EML6: variants seen among roughly 807,000 people sequenced by gnomAD.
EML6 encodes echinoderm microtubule-associated protein-like 6.
Under a neutral mutation model 240.1 loss-of-function variants are expected in EML6, and 154 were observed. That is an observed-to-expected ratio of 0.64 (90% confidence interval 0.56 to 0.73). EML6 has a LOEUF of 0.73. Among genes scored for constraint, EML6 ranks in the 30% least tolerant of loss-of-function variants. EML6 has a pLI of 0.00. For synonymous variants in EML6, 1,148 were observed against 899.0 expected, an observed-to-expected ratio of 1.28 and a Z score of -4.95; for missense variants, 2,964 against 2,474.6, an observed-to-expected ratio of 1.20 and a Z score of -4.20.
At chr2:54,838,615 A>G (rs1669276942) in intron 7 of EML6, among the ~76,000 whole-genome samples, 1 of 152,168 alleles carries the variant, frequency 6.6e-6, no homozygotes, top group African/African-American at 2.4e-5. Flanking sequence ...AGCAGAGGGA[A>G]TTGGAAGGTT....
chr2:54,827,658 C>G lies in EML6; in HGVS notation c.618C>G (p.Ala206=). The G allele has an allele frequency of 6.4e-7, 1 of 1,551,632 alleles. No homozygotes were observed. Among genetic ancestry groups the G allele is most frequent in the Non-Finnish European group, 8.7e-7 (1 of 1,146,916 alleles). Reference sequence around the variant, plus strand: ...AGACCATCCTTTGCCTTGCATGTGCCAAAGAAGACATCACCTACTCTGGTG... The same window carrying G: ...AGACCATCCTTTGCCTTGCATGTGCGAAAGAAGACATCACCTACTCTGGTG... ...DLQTILCLAC[A]KEDITYSGAL... is the part of the protein sequence containing the mutation. Residue 206 remains alanine, a synonymous_variant, in exon 6 of 42, where the codon GCC becomes GCG. Transcript: ENST00000356458.
intron 25 of EML6, among the ~76,000 whole-genome samples, chr2:54,915,840 C>T (rs1015511680): frequency 1.3e-5 from 2 of 152,088 alleles, no homozygotes; most frequent in Admixed American, 1.3e-4. Context: ...TTCTTTTACT[C>T]CAGTGCTTTC....
intron 24 of EML6, among the ~76,000 whole-genome samples, chr2:54,908,088 T>C (rs531757747): frequency 6.6e-5 from 10 of 152,080 alleles, no homozygotes; most frequent in Non-Finnish European, 1.2e-4. Context: ...GTAAAGAAAA[T>C]TTTGGTTTTA....
At chr2:54,946,318 C>T (rs1164043250) in intron 28 of EML6, among the ~76,000 whole-genome samples, 5 of 152,168 alleles carry the variant, frequency 3.3e-5, no homozygotes, top group African/African-American at 1.2e-4. Context: ...CCCACTGGGT[C>T]TCCCTGCCAA....
chr2:54,918,584 C>G (rs1404454718), intron 26 of EML6, among the ~76,000 whole-genome samples: 3 of 152,162 alleles, frequency 2.0e-5, no homozygotes, highest in African/African-American at 7.2e-5. Context: ...TGGACTCAAA[C>G]AATCCTCCCA....
chr2:54,928,221 T>C, intron 26 of EML6, 92 bp from the exon 27 acceptor site: 1 of 995,016 alleles, frequency 1.0e-6, no homozygotes, highest in Non-Finnish European at 1.6e-6. Context: ...TTGAACTGTT[T>C]CCTTTGTATC....
At chr2:54,850,476 G>A in intron 10 of EML6, 1 of 394,362 alleles carries the variant, frequency 2.5e-6, no homozygotes, top group Non-Finnish European at 4.6e-6. Context: ...TGAATGAAAT[G>A]TAAAGACAAG....
chr2:54,860,794 C>T (rs1225723446), intron 12 of EML6, among the ~76,000 whole-genome samples: 1 of 152,136 alleles, frequency 6.6e-6, no homozygotes, highest in African/African-American at 2.4e-5. Context: ...CGAGAAGGTG[C>T]TATAAGAATG....
rs1349961999 is a variant in EML6, at chr2:54,916,942, T to G, written c.3675+7T>G. On this transcript the variant is annotated splice_region_variant and intron_variant, in intron 26 of 41. Coordinates refer to ENST00000356458, the MANE Select transcript of EML6 (RefSeq NM_001039753.4). ...TTTTTCATATCCTGTCAAGGTAATA[T>G]TGCGTGTTTATTATCTTTACTTGCT... is the stretch of plus-strand genomic sequence containing the variant. The G allele has an allele frequency of 6.6e-7, 1 of 1,524,510 alleles. No homozygotes were observed. Among genetic ancestry groups the G allele is most frequent in the Admixed American group, 2.0e-5 (1 of 50,644 alleles). 94.4% of individuals were successfully genotyped at this position (1,524,510 alleles called of 1,614,324 possible). A position where few individuals can be genotyped will look rare whatever the true frequency, so the allele number is the denominator to read the frequency against.
At chr2:54,869,860 G>C (rs141589938) in intron 15 of EML6, among the ~76,000 whole-genome samples, 327 of 152,146 alleles carry the variant, frequency 2.1e-3, no homozygotes, top group African/African-American at 7.3e-3. Context: ...CTTAACCTTA[G>C]ATTGAGTCTG....
chr2:54,938,185 A>C (rs781081721), intron 28 of EML6, among the ~76,000 whole-genome samples: 1 of 152,174 alleles, frequency 6.6e-6, no homozygotes, highest in Non-Finnish European at 1.5e-5. Context: ...GTCTCTACTA[A>C]AAATACAAAA....
chr2:54,832,519 A>C (rs917405374), intron 7 of EML6, among the ~76,000 whole-genome samples: 1 of 152,244 alleles, frequency 6.6e-6, no homozygotes, highest in African/African-American at 2.4e-5. Flanking sequence ...TAGAAGACCC[A>C]ACACAAGTGT....
chr2:54,929,692 A>ACCTCCTCCTCCTCCTCCT (rs67666233), intron 28 of EML6, among the ~76,000 whole-genome samples: 2 of 143,064 alleles, frequency 1.4e-5, no homozygotes, highest in Non-Finnish European at 3.1e-5. Flanking sequence ...AAGAAATGTA[A>ACCTCCTCCTCCTCCTCCT]CCTCCTCCTC....
chr2:54,809,679 GT>G (rs1572933745), intron 2 of EML6, among the ~76,000 whole-genome samples: 2 of 152,144 alleles, frequency 1.3e-5, no homozygotes, highest in African/African-American at 4.8e-5. Context: ...CCAAAGATGT[GT>G]GGAATTTTAT....
intron 28 of EML6, among the ~76,000 whole-genome samples, chr2:54,946,302 C>G (rs1459917482): frequency 6.6e-6 from 1 of 152,194 alleles, no homozygotes; most frequent in Admixed American, 6.5e-5. Context: ...CTTCCCAGAT[C>G]TTGGCCCCAC....
At chr2:54,906,486 C>T (rs1673335135) in intron 24 of EML6, among the ~76,000 whole-genome samples, 1 of 152,152 alleles carries the variant, frequency 6.6e-6, no homozygotes, top group South Asian at 2.1e-4. Context: ...ATAATCTTGC[C>T]CAAGGCCAGC....
chr2:54,797,505 A>G (rs1425082437), intron 2 of EML6, among the ~76,000 whole-genome samples: 1 of 152,202 alleles, frequency 6.6e-6, no homozygotes, highest in Admixed American at 6.5e-5. Context: ...AGACCACTGC[A>G]ATAAAGCGAG....
At chr2:54,898,570 T>A (rs573765110) in intron 21 of EML6, among the ~76,000 whole-genome samples, 1 of 152,200 alleles carries the variant, frequency 6.6e-6, no homozygotes, top group Admixed American at 6.5e-5. Flanking sequence ...TATTTGAATG[T>A]CAGTTGTATT....
chr2:54,842,066 T>A (rs1451749060), intron 7 of EML6, among the ~76,000 whole-genome samples: 1 of 152,158 alleles, frequency 6.6e-6, no homozygotes, highest in Non-Finnish European at 1.5e-5. Flanking sequence ...TGAAGCTACC[T>A]TGACGTGTCA....
Sources: gnomAD v4.1 joint callset for allele counts (sites outside exome capture counted in the v4.1 genomes callset) on GRCh38, gnomAD v4.1.1 for gene constraint, MANE v1.5 for transcripts, NCBI Gene and HGNC (gene_info 2026-07-23, HGNC 2026-07-21) for gene names.